CDC42BPB: variants seen among roughly 807,000 people sequenced by gnomAD.
The protein encoded by CDC42BPB is serine/threonine-protein kinase MRCK beta.
A neutral mutation model predicts 214.9 loss-of-function variants in CDC42BPB; 37 were observed. That is an observed-to-expected ratio of 0.17 (90% CI 0.13 to 0.23). The LOEUF (loss-of-function observed/expected upper bound fraction) is 0.23, where lower values mean the gene tolerates loss of function less well. Among genes scored for constraint, CDC42BPB ranks in the 10% least tolerant of loss-of-function variants. The pLI is 1.00. For synonymous variants in CDC42BPB, 931 were observed against 884.0 expected (o/e 1.05, Z -0.94); for missense variants, 1,694 against 2,227.0 (o/e 0.76, Z 4.82).
intron 4 of CDC42BPB, among the ~76,000 whole-genome samples, chr14:103,002,548 G>A (rs139023675): frequency 1.4e-3 from 206 of 152,258 alleles, no homozygotes; most frequent in Non-Finnish European, 2.3e-3. Context: ...AGTTCTTATC[G>A]AAAGTGGAAA....
At chr14:103,021,779 C>CG (rs994991948) in intron 1 of CDC42BPB, among the ~76,000 whole-genome samples, 10 of 151,724 alleles carry the variant, frequency 6.6e-5, no homozygotes, top group African/African-American at 2.4e-4. Flanking sequence ...TGGGCCAGAG[C>CG]GGGGGTCGTG....
intron 34 of CDC42BPB, 164 bp from the exon 35 acceptor site, chr14:102,938,575 T>C (rs1160137972): frequency 1.0e-6 from 1 of 985,086 alleles, no homozygotes; most frequent in East Asian, 1.1e-4. Flanking sequence ...AGTCTGGAAC[T>C]AAGAACTGGC....
chr14:102,993,454 C>A (rs558840761), intron 5 of CDC42BPB, among the ~76,000 whole-genome samples: 1 of 152,076 alleles, frequency 6.6e-6, no homozygotes, highest in East Asian at 1.9e-4. Context: ...CCCACGTCCA[C>A]CAGTTTTTCT....
intron 1 of CDC42BPB, among the ~76,000 whole-genome samples, chr14:103,022,600 C>T (rs971740366): frequency 2.6e-5 from 4 of 152,150 alleles, no homozygotes; most frequent in South Asian, 2.1e-4. Flanking sequence ...TTGGCATAGA[C>T]GGAAAGCTGG....
intron 13 of CDC42BPB, among the ~76,000 whole-genome samples, chr14:102,971,582 T>G (rs1893476098): frequency 6.6e-6 from 1 of 152,230 alleles, no homozygotes; most frequent in Non-Finnish European, 1.5e-5. Flanking sequence ...GTGAGCCCCG[T>G]GCCCGGCCCG....
At chr14:102,993,307 G>A (rs1308518675) in intron 5 of CDC42BPB, among the ~76,000 whole-genome samples, 1 of 152,124 alleles carries the variant, frequency 6.6e-6, no homozygotes, top group African/African-American at 2.4e-5. Context: ...AGAAAGGCAG[G>A]TATCTGCAAC....
intron 12 of CDC42BPB, among the ~76,000 whole-genome samples, 187 bp downstream of exon 12, chr14:102,973,829 C>T (rs760115204): frequency 6.6e-5 from 10 of 152,334 alleles, no homozygotes; most frequent in South Asian, 2.1e-4. Flanking sequence ...CCAGCCGACG[C>T]GGGGGCTGTG....
intron 30 of CDC42BPB, chr14:102,941,569 C>G (rs181458746): frequency 1.0e-6 from 1 of 985,332 alleles, no homozygotes; most frequent in Admixed American, 6.1e-5. Flanking sequence ...TCCACACGGG[C>G]TTCTGGGAAG....
intron 1 of CDC42BPB, among the ~76,000 whole-genome samples, chr14:103,042,820 G>A (rs1888081844): frequency 6.6e-6 from 1 of 152,162 alleles, no homozygotes; most frequent in African/African-American, 2.4e-5. Flanking sequence ...TGGAACCCTT[G>A]TGGGCTGCTG....
intron 30 of CDC42BPB, 65 bp from the exon 31 acceptor site, chr14:102,940,389 G>A (rs36211434): frequency 1.8e-4 from 282 of 1,546,778 alleles, no homozygotes; most frequent in African/African-American, 1.6e-3. Flanking sequence ...CCCTCGGGCC[G>A]GAGGCCAAGC....
In CDC42BPB at chr14:102,968,720, A is replaced by G; in HGVS notation, c.1996-4T>C. 2 of 1,613,290 alleles carry G rather than the reference A, an allele frequency of 1.2e-6. No individual in the cohort carries two copies. Among genetic ancestry groups the G allele is most frequent in the Non-Finnish European group, 1.7e-6 (2 of 1,179,928 alleles). On this transcript the variant is annotated splice_region_variant and splice_polypyrimidine_tract_variant and intron_variant, in intron 14 of 36. Coordinates refer to ENST00000361246, the MANE Select transcript of CDC42BPB (RefSeq NM_006035.4). The stretch of plus-strand genomic sequence containing the variant: ...CTCCCCGGCCTCCTTGCTTCACCTG[A>G]AGACAAAGGTTAACATAAATTGACA...
At chr14:103,054,076 G>T (rs1888806415) in intron 1 of CDC42BPB, among the ~76,000 whole-genome samples, 1 of 151,940 alleles carries the variant, frequency 6.6e-6, no homozygotes, top group Non-Finnish European at 1.5e-5. Context: ...GGTTGCTCAG[G>T]CTGGTCTTGT....
At chr14:102,951,432 A>G (rs902909462) in intron 24 of CDC42BPB, among the ~76,000 whole-genome samples, 2 of 152,170 alleles carry the variant, frequency 1.3e-5, no homozygotes, top group Non-Finnish European at 2.9e-5. Flanking sequence ...AAATGGGGCA[A>G]TCACTGAGGG....
intron 35 of CDC42BPB, 63 bp from the exon 36 acceptor site, chr14:102,938,237 G>T: frequency 6.2e-7 from 1 of 1,602,928 alleles, no homozygotes. Context: ...AATGCCTGGG[G>T]TCTCCCCATT....
intron 1 of CDC42BPB, among the ~76,000 whole-genome samples, chr14:103,032,630 C>CTTTT (rs35712321): frequency 9.2e-6 from 1 of 109,014 alleles, no homozygotes; most frequent in African/African-American, 3.8e-5. Flanking sequence ...AACAAATCCA[C>CTTTT]TTTTTTTTTT....
chr14:102,964,304 C>T (rs904775182), intron 19 of CDC42BPB, among the ~76,000 whole-genome samples, 198 bp downstream of exon 19: 1 of 152,370 alleles, frequency 6.6e-6, no homozygotes, highest in African/African-American at 2.4e-5. Flanking sequence ...CCTGCACCCT[C>T]GCGGCCACCT....
chr14:102,958,813 CTAAAG>C (rs1331995529), intron 21 of CDC42BPB, among the ~76,000 whole-genome samples: 6 of 151,996 alleles, frequency 3.9e-5, no homozygotes, highest in Non-Finnish European at 2.9e-5. Flanking sequence ...GGAAACACAA[CTAAAG>C]TATTTTTATT....
In CDC42BPB at chr14:102,987,473, C is replaced by T. The variant is rs531106561; in HGVS notation, c.597-893G>A. Among the ~76,000 whole-genome samples the T allele has an allele frequency of 2.0e-5, 3 of 152,254 alleles. No homozygotes were observed. In the East Asian group the frequency reaches 5.8e-4, roughly 29 times the overall value. ...TCCCAGCGGCACCACTTCTAACAGC[C>T]AAAAGGCAGAAACAATCTAAATCTC... On this transcript the variant is annotated intron_variant, in intron 5 of 36. Coordinates refer to ENST00000361246, the MANE Select transcript of CDC42BPB (RefSeq NM_006035.4).
chr14:102,932,881 G>T lies in CDC42BPB; in HGVS notation c.*831C>A, dbSNP rs1265012981. On this transcript the variant is annotated 3_prime_UTR_variant, in exon 37 of 37. Transcript: ENST00000361246. ...CATGCGGGGGCAGGACTGGTGGGGG[G>T]GGGGGCGGGCAGGGCGGGGCGGGGT... is the stretch of plus-strand genomic sequence containing the variant. 1.5e-5 allele frequency: 2 copies of T among 130,024 alleles called. No homozygotes were observed. Among genetic ancestry groups the T allele is most frequent in the East Asian group, 2.6e-4 (1 of 3,774 alleles). 8.1% of individuals were successfully genotyped at this position (130,024 alleles called of 1,614,324 possible). A position where few individuals can be genotyped will look rare whatever the true frequency, so the allele number is the denominator to read the frequency against.
Sources: allele counts gnomAD v4.1 joint callset (sites outside exome capture counted in the v4.1 genomes callset), GRCh38; gene constraint gnomAD v4.1.1; transcripts MANE v1.5; gene names NCBI Gene and HGNC (gene_info 2026-07-23, HGNC 2026-07-21).